The following STAT4 variants were observed in gnomAD, a reference collection of about 807,000 sequenced individuals.
STAT4 encodes the protein signal transducer and activator of transcription 4.
Under a neutral mutation model 110.5 loss-of-function variants are expected in STAT4, and 42 were observed. That is an observed-to-expected ratio of 0.38 (90% confidence interval 0.30 to 0.49). The LOEUF is 0.49. Among genes scored for constraint, STAT4 ranks in the 20% least tolerant of loss-of-function variants. The pLI, the probability that STAT4 is intolerant of heterozygous loss-of-function variation, is 0.95. For missense variants in STAT4, 632 were observed against 887.9 expected, an observed-to-expected ratio of 0.71 and a Z score of 3.66; for synonymous variants, 284 against 302.2, an observed-to-expected ratio of 0.94 and a Z score of 0.63.
rs1698231443 is a variant in STAT4, at chr2:191,104,693, TATA to T, written c.274-28371_274-28369del. Among the ~76,000 whole-genome samples, 1 of 152,178 alleles carries T rather than the reference TATA, an allele frequency of 6.6e-6. No homozygotes were observed. Among genetic ancestry groups the T allele is most frequent in the African/African-American group, 2.4e-5 (1 of 41,442 alleles). ...CTCCTCCCCATATGATTTGAAAGGATATATATTGTCAAAGAATAAAGAATGATC... is the reference window on the plus strand; with the variant it reads ...CTCCTCCCCATATGATTTGAAAGGATTATTGTCAAAGAATAAAGAATGATC... On this transcript the variant is annotated intron_variant, in intron 3 of 23. Coordinates refer to ENST00000392320, the MANE Select transcript of STAT4 (RefSeq NM_003151.4). The surrounding 1 kb of genome is among the most constrained non-coding windows in gnomAD (Gnocchi z 4.3).
chr2:191,138,759 A>C lies in STAT4; in HGVS notation c.273+7854T>G, dbSNP rs142009697. ...GGAATTCTCTCTAAATCATTCCATG[A>C]AGCCAGTATCACCCTAATACCAAAA... On this transcript the variant is annotated intron_variant, in intron 3 of 23. Transcript: ENST00000392320. This position sits in a 1 kb window ranked among gnomAD's most constrained non-coding sequence, Gnocchi z 4.3. Among the ~76,000 whole-genome samples the C allele has an allele frequency of 4.6e-5, 7 of 152,314 alleles. No homozygotes were observed. Among genetic ancestry groups the C allele is most frequent in the African/African-American group, 1.2e-4 (5 of 41,552 alleles).
chr2:191,045,490 T>G (rs140549028), intron 14 of STAT4, among the ~76,000 whole-genome samples: 125 of 152,248 alleles, frequency 8.2e-4, no homozygotes, highest in African/African-American at 2.6e-3. Flanking sequence ...AAATGAGCCA[T>G]GGGAACATGT....
chr2:191,081,373 C>T (rs185392673), intron 3 of STAT4, among the ~76,000 whole-genome samples: 81 of 152,224 alleles, frequency 5.3e-4, no homozygotes, highest in African/African-American at 1.2e-3. Context: ...GGGATTGCTG[C>T]GTCAAGTGGT....
At chr2:191,069,483 A>C (rs1697083913) in intron 6 of STAT4, among the ~76,000 whole-genome samples, 1 of 152,044 alleles carries the variant, frequency 6.6e-6, no homozygotes, top group East Asian at 1.9e-4. Context: ...AATTGGTTGG[A>C]TATAGATGGG....
chr2:191,122,267 G>A (rs73052540), intron 3 of STAT4, among the ~76,000 whole-genome samples: 4,243 of 149,330 alleles, frequency 0.028, 171 homozygotes, highest in African/African-American at 0.099. Flanking sequence ...TAATCATCAG[G>A]ATAATGGAAA....
Position 191,032,542 on chromosome 2 carries a change from A to G in STAT4, c.2044+416T>C, listed in dbSNP as rs994282539. Reference sequence around the variant, plus strand: ...ACTACAGTAAGGTTAAAAATATAAAACTTATAAACCCTGGGGTTCCTTTGC... The same window carrying G: ...ACTACAGTAAGGTTAAAAATATAAAGCTTATAAACCCTGGGGTTCCTTTGC... On this transcript the variant is annotated intron_variant, in intron 21 of 23. Coordinates refer to ENST00000392320, the MANE Select transcript of STAT4 (RefSeq NM_003151.4). This position sits in a 1 kb window ranked among gnomAD's most constrained non-coding sequence, Gnocchi z 4.9. Among the ~76,000 whole-genome samples the G allele has an allele frequency of 1.3e-5, 2 of 152,100 alleles. No individual in the cohort carries two copies. The highest frequency in any genetic ancestry group is 2.1e-4 in the South Asian group (1 of 4,822).
chr2:191,052,810 G>A (rs1441814069), intron 14 of STAT4, among the ~76,000 whole-genome samples: 1 of 152,180 alleles, frequency 6.6e-6, no homozygotes, highest in East Asian at 1.9e-4. Context: ...GTTTAACTAG[G>A]AAGTTTAGAA....
intron 5 of STAT4, among the ~76,000 whole-genome samples, chr2:191,070,678 CAAATTTT>C (rs1317794408): frequency 6.6e-6 from 1 of 152,200 alleles, no homozygotes; most frequent in Non-Finnish European, 1.5e-5. Flanking sequence ...GCTCTCATCA[CAAATTTT>C]AAATTTTAAT....
chr2:191,050,336 T>A lies in STAT4; in HGVS notation c.1251+4154A>T, dbSNP rs73981219. 5.6e-3 allele frequency among the ~76,000 whole-genome samples: 853 copies of A among 152,318 alleles called. 10 individuals carry two copies. The highest frequency in any genetic ancestry group is 0.02 in the African/African-American group (814 of 41,558). ...CCTCAAAGTCTGGCCACTTTCTAGG[T>A]GATGAAATTGTTTATTCACATTGAC... is the stretch of plus-strand genomic sequence containing the variant. On this transcript the variant is annotated intron_variant, in intron 14 of 23. Coordinates refer to ENST00000392320, the MANE Select transcript of STAT4 (RefSeq NM_003151.4). The surrounding 1 kb of genome is among the most constrained non-coding windows in gnomAD (Gnocchi z 4.3).
At chr2:191,141,956 G>T (rs1553517617) in intron 3 of STAT4, among the ~76,000 whole-genome samples, 1 of 151,970 alleles carries the variant, frequency 6.6e-6, no homozygotes, top group Non-Finnish European at 1.5e-5. Flanking sequence ...ACAATGTAGA[G>T]AAAAAGGAAG....
At position 191,058,661 on chromosome 2, in the gene STAT4, A is replaced by C. The variant is rs1696769041; in HGVS notation, c.1094+49T>G. On this transcript the variant is annotated intron_variant, in intron 11 of 23. Transcript: ENST00000392320. The surrounding 1 kb of genome is among the most constrained non-coding windows in gnomAD (Gnocchi z 4.3). ...ATAAAATAAAGGCCATTCATTTTTA[A>C]AAGTCTTACATTTGGAATTGTAATT... is the stretch of plus-strand genomic sequence containing the variant. 3.5e-6 allele frequency: 4 copies of C among 1,147,578 alleles called. No homozygotes were observed. In the Admixed American group the frequency reaches 6.4e-5, roughly 18 times the overall value. The allele number at this position is 1,147,578 out of a possible 1,614,324, so 71.1% of individuals were successfully genotyped here. A position where few individuals can be genotyped will look rare whatever the true frequency, so the allele number is the denominator to read the frequency against.
intron 3 of STAT4, among the ~76,000 whole-genome samples, chr2:191,120,067 A>C (rs1698676777): frequency 6.6e-6 from 1 of 152,236 alleles, no homozygotes; most frequent in Admixed American, 6.5e-5. Context: ...ATAGTCCTAA[A>C]TGTAAAAGAC....
intron 3 of STAT4, among the ~76,000 whole-genome samples, chr2:191,119,591 C>T (rs183357104): frequency 6.8e-4 from 103 of 152,226 alleles, no homozygotes; most frequent in Non-Finnish European, 1.2e-3. Flanking sequence ...ATTAAGATGT[C>T]ATTTTTTCCC....
At chr2:191,103,119 C>T (rs1415966308) in intron 3 of STAT4, among the ~76,000 whole-genome samples, 2 of 152,138 alleles carry the variant, frequency 1.3e-5, no homozygotes, top group Non-Finnish European at 2.9e-5. Context: ...CTATTTTAAA[C>T]ACACAGTTTC....
rs1039203566 is a variant in STAT4 at position 191,144,448 on chromosome 2, G to C, written c.273+2165C>G. 6.6e-6 allele frequency among the ~76,000 whole-genome samples: 1 copy of C among 152,080 alleles called. No individual in the cohort carries two copies. The highest frequency in any genetic ancestry group is 6.6e-5 in the Admixed American group (1 of 15,260). On this transcript the variant is annotated intron_variant, in intron 3 of 23. Coordinates refer to ENST00000392320, the MANE Select transcript of STAT4 (RefSeq NM_003151.4). This position sits in a 1 kb window ranked among gnomAD's most constrained non-coding sequence, Gnocchi z 4.7. ...TTCAAGAGTGTGTGTGACGTGTTCA[G>C]GAACAAGTAGTAGATCTATTTTTCT...
intron 3 of STAT4, among the ~76,000 whole-genome samples, chr2:191,097,529 C>G (rs2125325657): frequency 6.6e-6 from 1 of 152,284 alleles, no homozygotes; most frequent in East Asian, 1.9e-4. Context: ...AAAGGATTCC[C>G]TATTTAATAA....
intron 3 of STAT4, among the ~76,000 whole-genome samples, chr2:191,093,398 G>A (rs1697863648): frequency 6.6e-6 from 1 of 152,178 alleles, no homozygotes; most frequent in African/African-American, 2.4e-5. Flanking sequence ...TTGCTGTTCT[G>A]CAATATTTGC....
chr2:191,073,275 G>T, intron 4 of STAT4, 85 bp from the exon 5 acceptor site: 1 of 1,098,144 alleles, frequency 9.1e-7, no homozygotes, highest in Non-Finnish European at 1.4e-6. Flanking sequence ...TTCGACCTGA[G>T]GTCTGGATCA....
rs892040545 is a variant in STAT4 at position 191,112,572 on chromosome 2, T to C, written c.273+34041A>G. The stretch of plus-strand genomic sequence containing the variant: ...GGCACAATCTATATGTAGTATAGGA[T>C]AGTGATGAAACCAAAAGAAGCAATG... On this transcript the variant is annotated intron_variant, in intron 3 of 23. Coordinates refer to ENST00000392320, the MANE Select transcript of STAT4 (RefSeq NM_003151.4). The surrounding 1 kb of genome is among the most constrained non-coding windows in gnomAD (Gnocchi z 4.3). Among the ~76,000 whole-genome samples, 1 of 152,234 alleles carries C rather than the reference T, an allele frequency of 6.6e-6. No individual in the cohort carries two copies. Among genetic ancestry groups the C allele is most frequent in the African/African-American group, 2.4e-5 (1 of 41,470 alleles).
Sources: gnomAD v4.1 joint callset for allele counts (sites outside exome capture counted in the v4.1 genomes callset) on GRCh38, gnomAD v4.1.1 for gene constraint, Gnocchi (gnomAD v3.1) non-coding constraint, MANE v1.5 for transcripts, NCBI Gene and HGNC (gene_info 2026-07-23, HGNC 2026-07-21) for gene names.